ADAM19: variants seen among roughly 807,000 people sequenced by gnomAD.
The protein encoded by ADAM19 is ADAM metallopeptidase domain 19.
ADAM19 carries 65 observed loss-of-function variants against 114.7 expected under a neutral mutation model. The observed-to-expected ratio is 0.57, with a 90% confidence interval of 0.46 to 0.70. The LOEUF (loss-of-function observed/expected upper bound fraction) is 0.70, where lower values mean the gene tolerates loss of function less well. ADAM19 is among the 30% of genes least tolerant of loss of function. The pLI is 0.00. For missense variants in ADAM19, 1,063 were observed against 1,204.7 expected, an observed-to-expected ratio of 0.88 and a Z score of 1.74; for synonymous variants, 466 against 460.5, an observed-to-expected ratio of 1.01 and a Z score of -0.15.
intron 1 of ADAM19, among the ~76,000 whole-genome samples, chr5:157,573,188 A>G (rs1037420880): frequency 1.3e-5 from 2 of 152,222 alleles, no homozygotes; most frequent in Non-Finnish European, 2.9e-5. Flanking sequence ...GCAATCTAAA[A>G]TCTCACCAAA....
intron 2 of ADAM19, among the ~76,000 whole-genome samples, chr5:157,567,142 G>A (rs1457758868): frequency 2.0e-5 from 3 of 152,060 alleles, no homozygotes; most frequent in Admixed American, 1.3e-4. Context: ...CCCCTTCCTC[G>A]CTGCAAACCC....
intron 6 of ADAM19, among the ~76,000 whole-genome samples, chr5:157,519,576 C>T (rs1306812004): frequency 6.6e-6 from 1 of 152,210 alleles, no homozygotes; most frequent in Non-Finnish European, 1.5e-5. Flanking sequence ...TGAGCCATGG[C>T]GCCCAGCCTT....
rs9313632 is a variant in ADAM19 at position 157,528,449 on chromosome 5, T to C, written c.407+2358A>G. The stretch of plus-strand genomic sequence containing the variant: ...ACCTGCATGTTCTTTTTCCTCCTTC[T>C]TGGGACAAACTTTGTTTACTTGCAG... On this transcript the variant is annotated intron_variant, in intron 5 of 22. Coordinates refer to ENST00000257527, the MANE Select transcript of ADAM19 (RefSeq NM_033274.5). Among the ~76,000 whole-genome samples, 667 of 152,348 alleles carry C rather than the reference T, an allele frequency of 4.4e-3. 6 individuals carry two copies. The highest frequency in any genetic ancestry group is 0.015 in the African/African-American group (628 of 41,576).
At chr5:157,500,303 G>A (rs555738622) in intron 12 of ADAM19, among the ~76,000 whole-genome samples, 13 of 152,182 alleles carry the variant, frequency 8.5e-5, no homozygotes, top group Non-Finnish European at 1.9e-4. Flanking sequence ...TGCCCCGCTA[G>A]GACACAGCTA....
intron 20 of ADAM19, 31 bp from the exon 21 acceptor site, chr5:157,488,520 C>G (rs909228893): frequency 6.6e-7 from 1 of 1,508,192 alleles, no homozygotes; most frequent in Non-Finnish European, 9.0e-7. Flanking sequence ...ACACCTGAGA[C>G]AAGAAATCAC....
chr5:157,536,484 C>A (rs746077816), intron 4 of ADAM19, among the ~76,000 whole-genome samples: 10 of 152,124 alleles, frequency 6.6e-5, no homozygotes, highest in South Asian at 2.1e-4. Context: ...AAAAATTAGC[C>A]AAGTGTGGTG....
intron 6 of ADAM19, 68 bp from the exon 7 acceptor site, chr5:157,518,956 A>C (rs1756184834): frequency 1.5e-6 from 2 of 1,321,120 alleles, no homozygotes; most frequent in Admixed American, 3.4e-5. Flanking sequence ...AAAACTGCTA[A>C]GAAACAGAGC....
chr5:157,528,897 G>A (rs1756547254), intron 5 of ADAM19, among the ~76,000 whole-genome samples: 1 of 152,146 alleles, frequency 6.6e-6, no homozygotes, highest in Non-Finnish European at 1.5e-5. Context: ...GTAGGGTATG[G>A]GCATTAGGAA....
chr5:157,556,218 T>TTC, intron 3 of ADAM19, among the ~76,000 whole-genome samples: 1 of 129,930 alleles, frequency 7.7e-6, no homozygotes, highest in African/African-American at 3.0e-5. Context: ...TCTTTTTTTT[T>TTC]TTTTTTTTTT....
At chr5:157,564,139 C>T (rs1757587480) in intron 3 of ADAM19, among the ~76,000 whole-genome samples, 1 of 152,204 alleles carries the variant, frequency 6.6e-6, no homozygotes, top group Non-Finnish European at 1.5e-5. Flanking sequence ...CCAGGGGCCC[C>T]TGAAATACTG....
chr5:157,545,794 A>G (rs1377571027), intron 3 of ADAM19, among the ~76,000 whole-genome samples: 5 of 152,244 alleles, frequency 3.3e-5, no homozygotes, highest in Admixed American at 6.5e-5. Flanking sequence ...AGACACACCC[A>G]GTAGGCAGAG....
intron 8 of ADAM19, among the ~76,000 whole-genome samples, chr5:157,510,287 C>T (rs1344154409): frequency 6.6e-6 from 1 of 152,156 alleles, no homozygotes; most frequent in Non-Finnish European, 1.5e-5. Context: ...CCAGCCTGAC[C>T]AACATGGAGA....
chr5:157,481,599 C>T (rs751076179), intron 22 of ADAM19, 192 bp downstream of exon 22: 8 of 1,530,786 alleles, frequency 5.2e-6, no homozygotes, highest in South Asian at 2.5e-5. Context: ...TAAGAATCAC[C>T]TTTCACATGA....
At chr5:157,555,048 A>G (rs1360621383) in intron 3 of ADAM19, among the ~76,000 whole-genome samples, 1 of 152,224 alleles carries the variant, frequency 6.6e-6, no homozygotes, top group Non-Finnish European at 1.5e-5. Context: ...AGCCCAAAGC[A>G]TAATGAGCCA....
rs114561887 is a variant in ADAM19 at position 157,529,848 on chromosome 5, G to A, written c.407+959C>T. Among the ~76,000 whole-genome samples the A allele has an allele frequency of 4.4e-3, 667 of 152,304 alleles. 6 individuals are homozygous for A. Among genetic ancestry groups the A allele is most frequent in the African/African-American group, 0.015 (628 of 41,552 alleles). On this transcript the variant is annotated intron_variant, in intron 5 of 22. Coordinates refer to ENST00000257527, the MANE Select transcript of ADAM19 (RefSeq NM_033274.5). ...GGTAGTCTCACTCAGAGAAGGAAGG[G>A]TCACTCTCAAAAGCACATTCTGGTC...
In ADAM19 at chr5:157,530,850, T is replaced by C. The variant is rs986558844; in HGVS notation, c.364A>G (p.Thr122Ala). The C allele has an allele frequency of 5.0e-6, 8 of 1,613,962 alleles. No homozygotes were observed. The African/African-American group carries it at 1.1e-4, about 22-fold the overall frequency. Residue 122 changes from threonine to alanine, a missense_variant, in exon 5 of 23, where the codon ACA (threonine) becomes GCA (alanine). By Grantham distance (58) the Thr-to-Ala change is moderately conservative. Around this residue, in one of 3 missense-constraint regions of ADAM19, gnomAD observed 615 missense variants for 706.3 expected, o/e 0.87. Transcript: ENST00000257527. ...CTGAGCGTGACGCTGGACAGTTCTG[T>C]CTCCCTCACCGTGCCGTGGTAAAAG... The part of the protein sequence containing the change: ...HCFYHGTVRE[T>A]ELSSVTLSTC...
chr5:157,526,169 TATATACAC>T (rs1561543623), intron 5 of ADAM19, among the ~76,000 whole-genome samples: 1 of 148,050 alleles, frequency 6.8e-6, no homozygotes, highest in African/African-American at 2.6e-5. Flanking sequence ...CATATATATA[TATATACAC>T]ACACACACAC....
intron 4 of ADAM19, among the ~76,000 whole-genome samples, chr5:157,533,258 A>G (rs1408565664): frequency 1.3e-5 from 2 of 152,150 alleles, no homozygotes; most frequent in Non-Finnish European, 2.9e-5. Context: ...AGGAGGAGGG[A>G]CAGAGCCAAC....
At chr5:157,521,247 A>C (rs1347660215) in intron 5 of ADAM19, among the ~76,000 whole-genome samples, 1 of 152,194 alleles carries the variant, frequency 6.6e-6, no homozygotes, top group Non-Finnish European at 1.5e-5. Context: ...CCTTGATACA[A>C]TGAGATAAAC....
Sources: gnomAD v4.1 joint callset for allele counts (sites outside exome capture counted in the v4.1 genomes callset) on GRCh38, gnomAD v4.1.1 for gene constraint, gnomAD v4.1.1 regional missense constraint, MANE v1.5 for transcripts, NCBI Gene and HGNC (gene_info 2026-07-23, HGNC 2026-07-21) for gene names.